Variants in SYNPR observed in about 807,000 individuals in gnomAD.
SYNPR encodes the protein synaptoporin.
In SYNPR, 23 loss-of-function variants were observed where a neutral mutation model predicts 32.9. That is an observed-to-expected ratio of 0.70 (90% CI 0.50 to 0.99). The LOEUF is 0.99. Ranked by LOEUF, SYNPR falls within the 50% of genes least tolerant of loss-of-function variation. SYNPR has a pLI of 0.00. For missense variants in SYNPR, 318 were observed against 349.3 expected, an observed-to-expected ratio of 0.91 and a Z score of 0.71; for synonymous variants, 146 against 135.9, an observed-to-expected ratio of 1.07 and a Z score of -0.52.
At chr3:63,484,212 T>C (rs974619334) in intron 3 of SYNPR, among the ~76,000 whole-genome samples, 5 of 152,172 alleles carry the variant, frequency 3.3e-5, no homozygotes, top group Non-Finnish European at 4.4e-5. Flanking sequence ...ATCATATTGT[T>C]ATAGAAATAA....
At chr3:63,274,034 C>T (rs2086556369), upstream of SYNPR, among the ~76,000 whole-genome samples, 1 of 152,154 alleles carries the variant, frequency 6.6e-6, no homozygotes, top group Non-Finnish European at 1.5e-5. Flanking sequence ...CTTTCATATT[C>T]ACTTACCTAA....
At chr3:63,204,991 G>C in the SYNPR span, among the ~76,000 whole-genome samples, 1 of 152,050 alleles carries the variant, frequency 6.6e-6, no homozygotes, top group Non-Finnish European at 1.5e-5. Flanking sequence ...CCCAGCCAGA[G>C]TAATTCTTTA....
intron 3 of SYNPR, among the ~76,000 whole-genome samples, chr3:63,534,188 C>G (rs1559528656): frequency 6.6e-6 from 1 of 151,930 alleles, no homozygotes; most frequent in Non-Finnish European, 1.5e-5. Context: ...GCCATGTTTT[C>G]TAATAGAAAA....
chr3:63,360,693 C>G (rs887031945), intron 2 of SYNPR, among the ~76,000 whole-genome samples: 1 of 152,104 alleles, frequency 6.6e-6, no homozygotes. Flanking sequence ...TTTCTAACTC[C>G]CCTTGGCCTA....
At chr3:63,243,885 A>C (rs536594977) in intron 1 of SYNPR, among the ~76,000 whole-genome samples, 4 of 152,200 alleles carry the variant, frequency 2.6e-5, no homozygotes, top group Non-Finnish European at 4.4e-5. Context: ...ACAAAAACAA[A>C]AACAAAACAA....
chr3:63,377,294 C>G (rs766617841), intron 2 of SYNPR, among the ~76,000 whole-genome samples: 1 of 152,038 alleles, frequency 6.6e-6, no homozygotes, highest in Non-Finnish European at 1.5e-5. Flanking sequence ...GGATTTTTAG[C>G]CAGTGGTTCT....
At chr3:63,295,370 A>T (rs140476221) in intron 2 of SYNPR, among the ~76,000 whole-genome samples, 51 of 152,314 alleles carry the variant, frequency 3.3e-4, no homozygotes, top group African/African-American at 1.2e-3. Context: ...TAGAAAAACA[A>T]GTAATGGTTA....
intron 3 of SYNPR, among the ~76,000 whole-genome samples, chr3:63,486,276 A>T (rs534257369): frequency 6.6e-6 from 1 of 152,326 alleles, no homozygotes; most frequent in South Asian, 2.1e-4. Flanking sequence ...TAGGCAGAGC[A>T]GGCAAGAAAT....
intron 2 of SYNPR, among the ~76,000 whole-genome samples, chr3:63,385,330 G>T (rs1036335372): frequency 6.6e-6 from 1 of 152,104 alleles, no homozygotes; most frequent in Admixed American, 6.6e-5. Flanking sequence ...TAAGGACATG[G>T]TGGCACCAAA....
At chr3:63,352,985 C>T (rs1306542213) in intron 2 of SYNPR, among the ~76,000 whole-genome samples, 2 of 152,194 alleles carry the variant, frequency 1.3e-5, no homozygotes, top group Non-Finnish European at 2.9e-5. Flanking sequence ...TGAGTGGGGA[C>T]AGAGCTAAAC....
chr3:63,538,961 A>G (rs1702255367), intron 3 of SYNPR, among the ~76,000 whole-genome samples: 1 of 152,050 alleles, frequency 6.6e-6, no homozygotes, highest in Admixed American at 6.6e-5. Flanking sequence ...CATCCCTGGG[A>G]ATGATAAAAA....
intron 2 of SYNPR, among the ~76,000 whole-genome samples, chr3:63,253,211 C>G (rs2086351360): frequency 1.3e-5 from 2 of 151,888 alleles, no homozygotes; most frequent in African/African-American, 4.8e-5. Flanking sequence ...ATTTTAATAG[C>G]AGCTAAAGGC....
intron 2 of SYNPR, among the ~76,000 whole-genome samples, chr3:63,393,491 C>CTTTTTTTTTTTTTTTTTTTTT (rs1482584312): frequency 3.4e-5 from 4 of 116,622 alleles, no homozygotes; most frequent in African/African-American, 1.5e-4. Flanking sequence ...TTCTTTCTTT[C>CTTTTTTTTTTTTTTTTTTTTT]TTCTCTTTTT....
intron 2 of SYNPR, among the ~76,000 whole-genome samples, chr3:63,343,694 A>C (rs539872946): frequency 5.0e-4 from 76 of 152,332 alleles, no homozygotes; most frequent in African/African-American, 1.8e-3. Context: ...AAATTACCCT[A>C]GAAGTTGTTT....
intron 2 of SYNPR, among the ~76,000 whole-genome samples, chr3:63,395,713 G>C (rs779477199): frequency 1.3e-5 from 2 of 152,008 alleles, no homozygotes; most frequent in Non-Finnish European, 2.9e-5. Context: ...TATATGCCAA[G>C]TATTGTACGT....
intron 2 of SYNPR, among the ~76,000 whole-genome samples, chr3:63,359,580 T>G (rs534274074): frequency 9.8e-5 from 15 of 152,324 alleles, no homozygotes; most frequent in African/African-American, 3.6e-4. Flanking sequence ...CTCTCCTGCC[T>G]TTTCTTGCCA....
chr3:63,207,548 T>C, the SYNPR span, among the ~76,000 whole-genome samples: 6 of 152,290 alleles, frequency 3.9e-5, no homozygotes, highest in South Asian at 1.2e-3. Flanking sequence ...TTATATGGAC[T>C]TATCTAAAAT....
At position 63,571,693 on chromosome 3, in the gene SYNPR, C is replaced by T. The variant is rs1702890037; in HGVS notation, c.408+14952C>T. ...AAAGCTAATTCACCCAGACTTTATA[C>T]TCTTGCTTATATAAAGTAATTTGAT... On this transcript the variant is annotated intron_variant, in intron 4 of 5. Coordinates refer to ENST00000478300, the MANE Select transcript of SYNPR (RefSeq NM_001130003.2). 2.0e-5 allele frequency among the ~76,000 whole-genome samples: 3 copies of T among 152,100 alleles called. No individual in the cohort carries two copies. In the South Asian group the frequency reaches 6.2e-4, roughly 31 times the overall value.
chr3:63,361,148 G>C (rs2087654127), intron 2 of SYNPR, among the ~76,000 whole-genome samples: 1 of 152,184 alleles, frequency 6.6e-6, no homozygotes, highest in Non-Finnish European at 1.5e-5. Context: ...AAATCTCCAA[G>C]AGTCTCAATG....
Sources: allele counts gnomAD v4.1 joint callset (sites outside exome capture counted in the v4.1 genomes callset), GRCh38; gene constraint gnomAD v4.1.1; transcripts MANE v1.5; gene names NCBI Gene and HGNC (gene_info 2026-07-23, HGNC 2026-07-21).